VAPA: variants seen among roughly 807,000 people sequenced by gnomAD.
The protein encoded by VAPA is vesicle-associated membrane protein-associated protein A.
VAPA carries 6 observed loss-of-function variants against 25.6 expected under a neutral mutation model. That is an observed-to-expected ratio of 0.23 (90% confidence interval 0.13 to 0.46). VAPA has a LOEUF of 0.46. VAPA is among the 20% of genes least tolerant of loss of function. VAPA has a pLI of 0.99. For synonymous variants in VAPA, 112 were observed against 106.2 expected, an observed-to-expected ratio of 1.05 and a Z score of -0.34; for missense variants, 244 against 302.1, an observed-to-expected ratio of 0.81 and a Z score of 1.43.
chr18:9,959,982 A>G lies in VAPA; in HGVS notation c.*5771A>G, dbSNP rs1445489711. 2 of 121,630 alleles carry G rather than the reference A, an allele frequency of 1.6e-5. No individual in the cohort carries two copies. Among genetic ancestry groups the G allele is most frequent in the Non-Finnish European group, 3.9e-5 (2 of 51,502 alleles). The allele number at this position is 121,630 out of a possible 1,614,324, so 7.5% of individuals were successfully genotyped here. The stretch of plus-strand genomic sequence containing the variant: ...ATTTAAGGATATATTTCACATGAAA[A>G]CAAATACAAACGAGAATCAAAATAA... On this transcript the variant is annotated 3_prime_UTR_variant, in exon 6 of 6. Transcript: ENST00000400000.
At chr18:9,918,908 T>C (rs569028738) in intron 1 of VAPA, among the ~76,000 whole-genome samples, 77 of 152,328 alleles carry the variant, frequency 5.1e-4, no homozygotes, top group Non-Finnish European at 9.8e-4. Context: ...TTTTTATTTT[T>C]ATTTTTGAGA....
intron 1 of VAPA, among the ~76,000 whole-genome samples, chr18:9,927,505 C>T (rs1173820109): frequency 1.4e-5 from 2 of 146,708 alleles, no homozygotes; most frequent in Non-Finnish European, 3.0e-5. Flanking sequence ...CTCTTCTTAG[C>T]TTAGTGGGAT....
chr18:9,932,185 A>G (rs29158), intron 2 of VAPA, among the ~76,000 whole-genome samples: 5,656 of 152,230 alleles, frequency 0.037, 118 homozygotes, highest in South Asian at 0.064. Flanking sequence ...ATTATTGTCA[A>G]TTACAAACTT....
chr18:9,932,683 C>G (rs961307339), intron 2 of VAPA, among the ~76,000 whole-genome samples: 2 of 152,200 alleles, frequency 1.3e-5, no homozygotes, highest in Non-Finnish European at 2.9e-5. Flanking sequence ...GGGAGAACCT[C>G]TCAGGCTGCA....
intron 4 of VAPA, among the ~76,000 whole-genome samples, chr18:9,940,470 G>A (rs2069355623): frequency 6.6e-6 from 1 of 152,226 alleles, no homozygotes; most frequent in South Asian, 2.1e-4. Flanking sequence ...TTTGACCAAG[G>A]TAAGAGTGGA....
At chr18:9,940,036 A>T (rs1210063140) in intron 4 of VAPA, among the ~76,000 whole-genome samples, 2 of 152,230 alleles carry the variant, frequency 1.3e-5, no homozygotes, top group African/African-American at 4.8e-5. Flanking sequence ...GTAGAGTTTA[A>T]AAAGGCAGAA....
intron 4 of VAPA, among the ~76,000 whole-genome samples, chr18:9,943,140 G>A (rs574352933): frequency 6.6e-6 from 1 of 152,230 alleles, no homozygotes; most frequent in South Asian, 2.1e-4. Context: ...CTTATAGGGT[G>A]AAAAATGGAG....
chr18:9,928,416 G>T (rs1221677146), intron 1 of VAPA, among the ~76,000 whole-genome samples: 1 of 152,118 alleles, frequency 6.6e-6, no homozygotes, highest in Non-Finnish European at 1.5e-5. Context: ...ATTCGGCAAA[G>T]TGCTCCTTTT....
At chr18:9,950,182 T>C (rs1259092331) in intron 4 of VAPA, 9 of 492,338 alleles carry the variant, frequency 1.8e-5, no homozygotes, top group South Asian at 4.9e-5. Context: ...TTAAGATACA[T>C]AATAAAGTGC....
chr18:9,943,535 C>G (rs766807119), intron 4 of VAPA, among the ~76,000 whole-genome samples: 5 of 152,094 alleles, frequency 3.3e-5, no homozygotes, highest in Non-Finnish European at 7.4e-5. Flanking sequence ...TGAGCCTGTT[C>G]CCTGTATTGT....
Position 9,945,027 on chromosome 18 carries a change from G to T in VAPA, c.418-5368G>T, listed in dbSNP as rs1215900581. The T allele has an allele frequency of 1.9e-6, 3 of 1,614,052 alleles. No individual in the cohort carries two copies. The African/African-American group carries it at 4.0e-5, about 22-fold the overall frequency. ...TATCACACGAAGGATGACCCCAGGG[G>T]ACTCAGTGTGTTGAAACAGGAGAAA... On this transcript the variant is annotated intron_variant, in intron 4 of 5. Coordinates refer to ENST00000400000, the MANE Select transcript of VAPA (RefSeq NM_194434.3).
At chr18:9,921,765 A>G (rs544007123) in intron 1 of VAPA, among the ~76,000 whole-genome samples, 1 of 152,316 alleles carries the variant, frequency 6.6e-6, no homozygotes, top group South Asian at 2.1e-4. Flanking sequence ...TAACTTGCAA[A>G]TGCTTGTTTA....
At chr18:9,950,143 A>G in intron 4 of VAPA, 1 of 373,240 alleles carries the variant, frequency 2.7e-6, no homozygotes, top group Admixed American at 4.7e-5. Flanking sequence ...CCTTTGAAGT[A>G]TTACAGGAAA....
chr18:9,926,852 G>A (rs927837660), intron 1 of VAPA, among the ~76,000 whole-genome samples: 3 of 152,022 alleles, frequency 2.0e-5, no homozygotes, highest in African/African-American at 7.2e-5. Flanking sequence ...GATAGCCTGG[G>A]TAAAAACCCC....
intron 2 of VAPA, among the ~76,000 whole-genome samples, chr18:9,935,044 G>C (rs1231582): frequency 0.25 from 37,664 of 147,944 alleles, 5,305 homozygotes; most frequent in Middle Eastern, 0.36. Context: ...GCAGTGAGCC[G>C]AGATTGTACC....
At chr18:9,918,671 C>CT (rs1435028193) in intron 1 of VAPA, among the ~76,000 whole-genome samples, 16 of 152,256 alleles carry the variant, frequency 1.1e-4, no homozygotes, top group Admixed American at 9.2e-4. Context: ...ACTCTGTGAA[C>CT]TTTCTTTGTT....
At chr18:9,933,230 T>A (rs1433309441) in intron 2 of VAPA, among the ~76,000 whole-genome samples, 1 of 151,862 alleles carries the variant, frequency 6.6e-6, no homozygotes, top group Non-Finnish European at 1.5e-5. Flanking sequence ...CAGGGTAGGC[T>A]CATTGAGAGA....
In VAPA at chr18:9,958,865, T is replaced by G. The variant is rs2069578113; in HGVS notation, c.*4654T>G. The G allele has an allele frequency of 6.6e-6, 1 of 152,176 alleles. No individual in the cohort carries two copies. Among genetic ancestry groups the G allele is most frequent in the Non-Finnish European group, 1.5e-5 (1 of 68,040 alleles). The allele number at this position is 152,176 out of a possible 1,614,324, so 9.4% of individuals were successfully genotyped here. ...ATGAGCTGTCATCGCAAAAAGGCGA[T>G]TTGAGAAATGTGGGCTTCAGTATTA... On this transcript the variant is annotated 3_prime_UTR_variant, in exon 6 of 6. Transcript: ENST00000400000.
intron 1 of VAPA, among the ~76,000 whole-genome samples, chr18:9,920,613 T>G (rs1275828301): frequency 6.6e-6 from 1 of 152,196 alleles, no homozygotes; most frequent in Non-Finnish European, 1.5e-5. Flanking sequence ...TATTGTCAGC[T>G]CTTTACCCTG....
Sources: allele counts gnomAD v4.1 joint callset (sites outside exome capture counted in the v4.1 genomes callset), GRCh38; gene constraint gnomAD v4.1.1; transcripts MANE v1.5; gene names NCBI Gene and HGNC (gene_info 2026-07-23, HGNC 2026-07-21).